HSP90AB1: variants seen among roughly 807,000 people sequenced by gnomAD.
HSP90AB1 encodes the protein heat shock protein 90 alpha family class B member 1.
HSP90AB1 carries 17 observed loss-of-function variants against 67.8 expected under a neutral mutation model. The ratio of observed to expected loss-of-function variants is 0.25; its 90% confidence interval spans 0.17 to 0.38. The LOEUF is 0.38. Among genes scored for constraint, HSP90AB1 ranks in the 10% least tolerant of loss-of-function variants. The pLI is 1.00. For missense variants in HSP90AB1, 690 were observed against 899.9 expected, an observed-to-expected ratio of 0.77 and a Z score of 2.98; for synonymous variants, 390 against 312.9, an observed-to-expected ratio of 1.25 and a Z score of -2.60.
intron 1 of HSP90AB1, chr6:44,248,219 T>C (rs1231696297): frequency 6.0e-6 from 1 of 165,414 alleles, no homozygotes; most frequent in Non-Finnish European, 1.3e-5. Flanking sequence ...ACTAGTCACT[T>C]TGATCTCCCC....
chr6:44,246,587 C>T (rs913691830), upstream of HSP90AB1, among the ~76,000 whole-genome samples: 4 of 152,244 alleles, frequency 2.6e-5, no homozygotes, highest in East Asian at 1.9e-4. Flanking sequence ...TTCCTCTACT[C>T]CTGCGAGAGT....
At chr6:44,252,819 G>C (rs1289242032) in intron 10 of HSP90AB1, among the ~76,000 whole-genome samples, 1 of 151,518 alleles carries the variant, frequency 6.6e-6, no homozygotes, top group African/African-American at 2.4e-5. Context: ...TTTTGGACTG[G>C]ATCTCGCTCA....
Position 44,253,668 on chromosome 6 carries a change from A to G in HSP90AB1, c.*70A>G, listed in dbSNP as rs1161347492. On this transcript the variant is annotated 3_prime_UTR_variant, in exon 12 of 12. Transcript: ENST00000371646. ...CCCATGGGCTCCCACTGCAGCCTCG[A>G]GTGCCCCTGTCCCACCTGGCTCCCC... The G allele has an allele frequency of 8.6e-7, 1 of 1,162,512 alleles. No individual in the cohort carries two copies. Among genetic ancestry groups the G allele is most frequent in the South Asian group, 1.2e-5 (1 of 81,946 alleles). The allele number at this position is 1,162,512 out of a possible 1,614,324, so 72.0% of individuals were successfully genotyped here.
chr6:44,250,514 G>C lies in HSP90AB1; in HGVS notation c.872G>C (p.Arg291Thr), dbSNP rs746642164. 1 of 1,614,006 alleles carries C rather than the reference G, an allele frequency of 6.2e-7. No homozygotes were observed. The highest frequency in any genetic ancestry group is 8.5e-7 in the Non-Finnish European group (1 of 1,179,996). The stretch of plus-strand genomic sequence containing the variant: ...AACAAGACCAAGCCTATTTGGACCA[G>C]AAACCCTGATGACATCACCCAAGAG... ...ELNKTKPIWT[R>T]NPDDITQEEY... is the part of the protein sequence containing the mutation. Residue 291 changes from arginine to threonine, a missense_variant, in exon 6 of 12, where the codon AGA (arginine) becomes ACA (threonine). By Grantham distance (71) the Arg-to-Thr change is moderately conservative. This residue lies in a region of HSP90AB1 where 101 missense variants were observed against 174.8 expected (regional missense o/e 0.58). Coordinates refer to ENST00000371646, the MANE Select transcript of HSP90AB1 (RefSeq NM_007355.4).
chr6:44,252,077 C>T lies in HSP90AB1; in HGVS notation c.1541C>T (p.Thr514Ile), dbSNP rs1009363442. ...RKRGFEVVYM[T>I]EPIDEYCVQQ... ...CGGGGCTTCGAGGTGGTATATATGA[C>T]CGAGCCCATTGACGAGTACTGTGTG... is the stretch of plus-strand genomic sequence containing the variant. Residue 514 changes from threonine (T) to isoleucine (I), a missense_variant, in exon 10 of 12, where the codon ACC becomes ATC. Coordinates refer to ENST00000371646, the MANE Select transcript of HSP90AB1 (RefSeq NM_007355.4). 5 of 1,614,140 alleles carry T rather than the reference C, an allele frequency of 3.1e-6. No individual in the cohort carries two copies. Among genetic ancestry groups the T allele is most frequent in the South Asian group, 1.1e-5 (1 of 91,076 alleles).
intron 6 of HSP90AB1, 81 bp downstream of exon 6, chr6:44,250,680 C>A: frequency 1.3e-6 from 1 of 786,900 alleles, no homozygotes; most frequent in Non-Finnish European, 2.2e-6. Flanking sequence ...GGGTAATAGA[C>A]ACACGGAACT....
Position 44,251,900 on chromosome 6 carries a change from T to C in HSP90AB1, c.1462+16T>C. 6.2e-7 allele frequency: 1 copy of C among 1,613,432 alleles called. No homozygotes were observed. Among genetic ancestry groups the C allele is most frequent in the African/African-American group, 1.3e-5 (1 of 75,054 alleles). ...TACATCACTGGTGCGTTGACTCTGA[T>C]TGAAGCCTTTTTGGAGGAGTGGGGA... On this transcript the variant is annotated intron_variant, in intron 9 of 11. Transcript: ENST00000371646.
At chr6:44,248,869 C>G in intron 2 of HSP90AB1, 93 bp downstream of exon 2, 1 of 1,131,296 alleles carries the variant, frequency 8.8e-7, no homozygotes, top group South Asian at 1.4e-5. Flanking sequence ...TTGGGGACTA[C>G]TATTGAAGGG....
In HSP90AB1 at chr6:44,253,492, TTGA is replaced by T. The variant is rs1484821822; in HGVS notation, c.2073_2075del (p.Asp691del). 2 of 1,613,038 alleles carry T rather than the reference TTGA, an allele frequency of 1.2e-6. No individual in the cohort carries two copies. The highest frequency in any genetic ancestry group is 2.7e-5 in the African/African-American group (2 of 74,922). ...ACATGGCTTAATTTTACTTCAGGTATTGATGAAGATGAAGTGGCAGCAGAGGAA... is the reference window on the plus strand; with the variant it reads ...ACATGGCTTAATTTTACTTCAGGTATTGAAGATGAAGTGGCAGCAGAGGAA... On this transcript the variant is annotated inframe_deletion, in exon 12 of 12. Transcript: ENST00000371646.
chr6:44,253,647 T>C lies in HSP90AB1; in HGVS notation c.*49T>C, dbSNP rs758072964. 5.7e-6 allele frequency: 8 copies of C among 1,403,778 alleles called. No individual in the cohort carries two copies. Among genetic ancestry groups the C allele is most frequent in the Non-Finnish European group, 4.0e-6 (4 of 988,768 alleles). 87.0% of individuals were successfully genotyped at this position (1,403,778 alleles called of 1,614,324 possible). A position where few individuals can be genotyped will look rare whatever the true frequency, so the allele number is the denominator to read the frequency against. Reference sequence around the variant, plus strand: ...CTTGTGCCCTTGTATAGTGTCCCCATGGGCTCCCACTGCAGCCTCGAGTGC... The same window carrying C: ...CTTGTGCCCTTGTATAGTGTCCCCACGGGCTCCCACTGCAGCCTCGAGTGC... On this transcript the variant is annotated 3_prime_UTR_variant, in exon 12 of 12. Coordinates refer to ENST00000371646, the MANE Select transcript of HSP90AB1 (RefSeq NM_007355.4).
Position 44,253,511 on chromosome 6 carries a change from A to G in HSP90AB1, c.2088A>G (p.Ala696=). The change falls in exon 12 of 12, where the codon GCA becomes GCG. Residue 696 remains alanine (A), a synonymous_variant. Coordinates refer to ENST00000371646, the MANE Select transcript of HSP90AB1 (RefSeq NM_007355.4). ...LGLGIDEDEV[A]AEEPNAAVPD... is the part of the protein sequence containing the mutation. Reference sequence around the variant, plus strand: ...CAGGTATTGATGAAGATGAAGTGGCAGCAGAGGAACCCAATGCTGCAGTTC... The same window carrying G: ...CAGGTATTGATGAAGATGAAGTGGCGGCAGAGGAACCCAATGCTGCAGTTC... 2.5e-6 allele frequency: 4 copies of G among 1,614,086 alleles called. No homozygotes were observed. Among genetic ancestry groups the G allele is most frequent in the Non-Finnish European group, 3.4e-6 (4 of 1,179,914 alleles).
At chr6:44,248,023 G>C (rs965803164) in intron 1 of HSP90AB1, 1 of 152,348 alleles carries the variant, frequency 6.6e-6, no homozygotes, top group African/African-American at 2.4e-5. Context: ...GCTGTGAAAG[G>C]GTCGTGGTGG....
At chr6:44,251,004 A>G in intron 6 of HSP90AB1, 44 bp from the exon 7 acceptor site, 4 of 1,562,930 alleles carry the variant, frequency 2.6e-6, no homozygotes, top group Non-Finnish European at 3.5e-6. Flanking sequence ...TGGGGCTAAA[A>G]GGTCCTCTTT....
At chr6:44,250,227 C>G in intron 5 of HSP90AB1, 64 bp from the exon 6 acceptor site, 1 of 1,610,380 alleles carries the variant, frequency 6.2e-7, no homozygotes, top group Non-Finnish European at 8.5e-7. Context: ...CTCATTGTCC[C>G]TGGCTTTTGC....
rs776041241 is a variant in HSP90AB1 at position 44,253,609 on chromosome 6, C to T, written c.*11C>T. 1.1e-5 allele frequency: 17 copies of T among 1,605,654 alleles called. No individual in the cohort carries two copies. In the East Asian group the frequency reaches 2.0e-4, roughly 19 times the overall value. ...GAAGAAGTCGATTAGGTTAGGAGTT[C>T]ATAGTTGGAAAACTTGTGCCCTTGT... On this transcript the variant is annotated 3_prime_UTR_variant, in exon 12 of 12. Coordinates refer to ENST00000371646, the MANE Select transcript of HSP90AB1 (RefSeq NM_007355.4).
chr6:44,251,203 AGAGTATCTCAGT>A lies in HSP90AB1; in HGVS notation c.1123_1123+11del. The A allele has an allele frequency of 6.2e-7, 1 of 1,614,122 alleles. No individual in the cohort carries two copies. The highest frequency in any genetic ancestry group is 2.2e-5 in the East Asian group (1 of 44,890). Reference sequence around the variant, plus strand: ...TGGACAGCTGTGATGAGTTGATACCAGAGTATCTCAGTGAGTATCTCCTTGGCCTAATTTAGT... The same window carrying A: ...TGGACAGCTGTGATGAGTTGATACCAGAGTATCTCCTTGGCCTAATTTAGT... On this transcript the variant is annotated splice_donor_variant and coding_sequence_variant, in exon 7 of 12. Transcript: ENST00000371646. LOFTEE classifies it high-confidence loss of function.
intron 10 of HSP90AB1, among the ~76,000 whole-genome samples, chr6:44,252,824 C>T (rs1489891855): frequency 6.0e-5 from 9 of 150,830 alleles, no homozygotes; most frequent in Non-Finnish European, 1.0e-4. Context: ...GACTGGATCT[C>T]GCTCACTGCA....
chr6:44,251,317 T>TTTA, intron 7 of HSP90AB1, 101 bp from the exon 8 acceptor site: 1 of 1,523,922 alleles, frequency 6.6e-7, no homozygotes, highest in Non-Finnish European at 9.1e-7. Context: ...ACATAGTAGG[T>TTTA]GTAAGGGTTC....
intron 6 of HSP90AB1, 112 bp from the exon 7 acceptor site, chr6:44,250,936 G>T (rs1374797715): frequency 2.2e-6 from 2 of 915,544 alleles, no homozygotes; most frequent in Non-Finnish European, 3.5e-6. Flanking sequence ...CTTGTTGTGT[G>T]TGCTCTATCC....
Sources: allele counts gnomAD v4.1 joint callset (sites outside exome capture counted in the v4.1 genomes callset), GRCh38; gene constraint gnomAD v4.1.1; regional missense constraint gnomAD v4.1.1; transcripts MANE v1.5; gene names NCBI Gene and HGNC (gene_info 2026-07-23, HGNC 2026-07-21).